Variants in TDG observed in about 807,000 individuals in gnomAD.
TDG encodes the protein thymine DNA glycosylase, also known as G/T mismatch-specific thymine DNA glycosylase.
In TDG, 23 loss-of-function variants were observed where a neutral mutation model predicts 46.1. The observed-to-expected ratio is 0.50, with a 90% CI of 0.36 to 0.71. The LOEUF (loss-of-function observed/expected upper bound fraction) is 0.71, where lower values mean the gene tolerates loss of function less well. Ranked by LOEUF, TDG falls within the 30% of genes least tolerant of loss-of-function variation. The pLI is 0.00. For missense variants in TDG, 304 were observed against 486.7 expected (o/e 0.62, Z 3.53); for synonymous variants, 115 against 161.3 (o/e 0.71, Z 2.18).
At chr12:103,984,408 A>G (rs1045462831) in intron 7 of TDG, among the ~76,000 whole-genome samples, 1 of 152,208 alleles carries the variant, frequency 6.6e-6, no homozygotes, top group Non-Finnish European at 1.5e-5. Context: ...AGCCTGGCCA[A>G]CATGGTGAAA....
chr12:103,983,358 T>A lies in TDG; in HGVS notation c.761T>A (p.Leu254His), dbSNP rs1452896139. 6.3e-7 allele frequency: 1 copy of A among 1,595,612 alleles called. No individual in the cohort carries two copies. Among genetic ancestry groups the A allele is most frequent in the Non-Finnish European group, 8.5e-7 (1 of 1,174,470 alleles). ...GVKVKNLEFG[L>H]QPHKIPDTET... ...AAGGTTAAGAACTTGGAATTTGGGC[T>A]TCAGCCCCATAAGATTCCAGACACA... The change falls in exon 7 of 10, where the codon CTT becomes CAT. Residue 254 changes from leucine (L) to histidine (H), a missense_variant. Physicochemically the swap from Leu to His is moderately conservative, Grantham distance 99 (BLOSUM62 -3). Transcript: ENST00000392872.
chr12:103,988,677 A>G lies in TDG; in HGVS notation c.*1587A>G, dbSNP rs556092281. ...ACCCTTTAAATTATGACGGACATCC[A>G]CTAGAGATGGGTTTGAGGATTTTCC... On this transcript the variant is annotated 3_prime_UTR_variant, in exon 10 of 10. Transcript: ENST00000392872. 30 of 152,798 alleles carry G rather than the reference A, an allele frequency of 2.0e-4. No individual in the cohort carries two copies. The East Asian group carries it at 4.4e-3, about 23-fold the overall frequency. 9.5% of individuals were successfully genotyped at this position (152,798 alleles called of 1,614,324 possible).
intron 2 of TDG, among the ~76,000 whole-genome samples, 169 bp from the exon 3 acceptor site, chr12:103,979,662 A>G (rs533970479): frequency 6.6e-6 from 1 of 152,240 alleles, no homozygotes; most frequent in East Asian, 1.9e-4. Context: ...ACCCAGTTCT[A>G]GGGAGAAAGA....
At chr12:103,975,082 A>C (rs1260171941) in intron 1 of TDG, among the ~76,000 whole-genome samples, 1 of 151,740 alleles carries the variant, frequency 6.6e-6, no homozygotes, top group African/African-American at 2.4e-5. Flanking sequence ...TCTCCTGCCT[A>C]TTTAATGGCA....
chr12:103,971,282 G>C lies in TDG; in HGVS notation c.23+5222G>C, dbSNP rs1461621301. On this transcript the variant is annotated intron_variant, in intron 1 of 9. Coordinates refer to ENST00000392872, the MANE Select transcript of TDG (RefSeq NM_003211.6). Reference sequence around the variant, plus strand: ...CAGGCAGCTATAAGAAAACAATCTAGCCGGACACAGTGGCTCACACCTGTA... The same window carrying C: ...CAGGCAGCTATAAGAAAACAATCTACCCGGACACAGTGGCTCACACCTGTA... Among the ~76,000 whole-genome samples the C allele has an allele frequency of 3.3e-5, 5 of 152,188 alleles. No individual in the cohort carries two copies. The East Asian group carries it at 7.7e-4, about 23-fold the overall frequency.
rs1391291315 is a variant in TDG at position 103,988,372 on chromosome 12, T to G, written c.*1282T>G. 1.3e-5 allele frequency: 2 copies of G among 152,818 alleles called. No individual in the cohort carries two copies. The highest frequency in any genetic ancestry group is 6.5e-5 in the Admixed American group (1 of 15,310). 9.5% of individuals were successfully genotyped at this position (152,818 alleles called of 1,614,324 possible). A position where few individuals can be genotyped will look rare whatever the true frequency, so the allele number is the denominator to read the frequency against. The stretch of plus-strand genomic sequence containing the variant: ...TCTCTTTATAATAAGAGAAACAAAT[T>G]CTTATTGTGAATCTTAACATGCTTT... On this transcript the variant is annotated 3_prime_UTR_variant, in exon 10 of 10. Transcript: ENST00000392872.
intron 1 of TDG, among the ~76,000 whole-genome samples, chr12:103,973,365 G>A (rs1191077160): frequency 2.6e-5 from 4 of 152,106 alleles, no homozygotes; most frequent in African/African-American, 7.2e-5. Context: ...GATTACAGGC[G>A]TGAGCCACTG....
At chr12:103,974,655 T>G (rs1258983467) in intron 1 of TDG, among the ~76,000 whole-genome samples, 1 of 150,144 alleles carries the variant, frequency 6.7e-6, no homozygotes, top group African/African-American at 2.4e-5. Flanking sequence ...GAAAACTGAT[T>G]AGTATAGTAT....
chr12:103,986,928 T>C lies in TDG; in HGVS notation c.1091-20T>C. ...TATTTCTAAATGGCATAAACTAACTTTGTTTTTCTTTTCTGGCAGTTGAGA... is the reference window on the plus strand; with the variant it reads ...TATTTCTAAATGGCATAAACTAACTCTGTTTTTCTTTTCTGGCAGTTGAGA... On this transcript the variant is annotated intron_variant, in intron 9 of 9. Transcript: ENST00000392872. 7.5e-7 allele frequency: 1 copy of C among 1,324,506 alleles called. No homozygotes were observed. Among genetic ancestry groups the C allele is most frequent in the Non-Finnish European group, 9.7e-7 (1 of 1,030,380 alleles). 82.0% of individuals were successfully genotyped at this position (1,324,506 alleles called of 1,614,324 possible).
chr12:103,985,061 ATG>A (rs4135123), intron 8 of TDG, 141 bp downstream of exon 8: 381,892 of 428,026 alleles, frequency 0.89, 171,417 homozygotes, highest in East Asian at 1. Context: ...GTATATATAC[ATG>A]TGTATATATA....
chr12:103,985,775 A>T, intron 9 of TDG, 47 bp downstream of exon 9: 1 of 1,442,954 alleles, frequency 6.9e-7, no homozygotes, highest in South Asian at 1.6e-5. Context: ...CGGTTTGGTC[A>T]GGATTGGGGG....
Position 103,988,315 on chromosome 12 carries a change from C to T in TDG, c.*1225C>T, listed in dbSNP as rs1235654580. 5 of 152,634 alleles carry T rather than the reference C, an allele frequency of 3.3e-5. No individual in the cohort carries two copies. The highest frequency in any genetic ancestry group is 1.2e-4 in the African/African-American group (5 of 41,470). 9.5% of individuals were successfully genotyped at this position (152,634 alleles called of 1,614,324 possible). Reference sequence around the variant, plus strand: ...TCAATATAAAATATTTATGAGGTCTCCCCCACCCCCAGGAGGTTATATGAT... The same window carrying T: ...TCAATATAAAATATTTATGAGGTCTTCCCCACCCCCAGGAGGTTATATGAT... On this transcript the variant is annotated 3_prime_UTR_variant, in exon 10 of 10. Transcript: ENST00000392872.
intron 1 of TDG, among the ~76,000 whole-genome samples, chr12:103,973,194 C>T (rs569204974): frequency 1.3e-5 from 2 of 150,272 alleles, no homozygotes; most frequent in African/African-American, 4.9e-5. Context: ...AAGCGATTCT[C>T]CTACCTCAGC....
intron 2 of TDG, among the ~76,000 whole-genome samples, chr12:103,977,562 T>C (rs1159071489): frequency 1.3e-5 from 2 of 152,212 alleles, no homozygotes; most frequent in African/African-American, 4.8e-5. Flanking sequence ...CCTTGGAGTC[T>C]GGGATATAAC....
intron 4 of TDG, among the ~76,000 whole-genome samples, 163 bp from the exon 5 acceptor site, chr12:103,982,636 G>T (rs188160645): frequency 3.8e-4 from 57 of 151,912 alleles, no homozygotes; most frequent in African/African-American, 1.4e-3. Context: ...GTGGTGGTGT[G>T]CATCTGGGGT....
intron 1 of TDG, among the ~76,000 whole-genome samples, chr12:103,971,752 C>CAT (rs1871292994): frequency 6.6e-6 from 1 of 152,080 alleles, no homozygotes; most frequent in Non-Finnish European, 1.5e-5. Flanking sequence ...TAAAATCAAT[C>CAT]GTGCTTGTAA....
intron 2 of TDG, among the ~76,000 whole-genome samples, chr12:103,978,921 T>C: frequency 6.6e-6 from 1 of 152,010 alleles, no homozygotes; most frequent in East Asian, 1.9e-4. Context: ...ATGTCAATAG[T>C]GTGGAGGCTG....
At chr12:103,974,974 CAAAAAA>C (rs34864393) in intron 1 of TDG, among the ~76,000 whole-genome samples, 13 of 77,234 alleles carry the variant, frequency 1.7e-4, no homozygotes, top group African/African-American at 3.0e-4. Flanking sequence ...GACTCCGTCT[CAAAAAA>C]AAAAAAAAAA....
intron 2 of TDG, among the ~76,000 whole-genome samples, chr12:103,977,638 TTA>T (rs1279756241): frequency 6.6e-6 from 1 of 152,168 alleles, no homozygotes; most frequent in East Asian, 1.9e-4. Context: ...CCCAAAGAAT[TTA>T]TATTCTATCA....
Sources: allele counts gnomAD v4.1 joint callset (sites outside exome capture counted in the v4.1 genomes callset), GRCh38; gene constraint gnomAD v4.1.1; transcripts MANE v1.5; gene names NCBI Gene and HGNC (gene_info 2026-07-23, HGNC 2026-07-21).